The following GNAZ variants were observed in gnomAD, a reference collection of about 807,000 sequenced individuals.
The protein encoded by GNAZ is G protein subunit alpha z.
A neutral mutation model predicts 25.4 loss-of-function variants in GNAZ; 3 were observed. That is an observed-to-expected ratio of 0.12 (90% CI 0.05 to 0.30). The LOEUF (loss-of-function observed/expected upper bound fraction) is 0.30. GNAZ is among the 10% of genes least tolerant of loss of function. The pLI is 1.00. For synonymous variants in GNAZ, 211 were observed against 205.7 expected, an observed-to-expected ratio of 1.03 and a Z score of -0.22; for missense variants, 241 against 501.8, an observed-to-expected ratio of 0.48 and a Z score of 4.97.
At chr22:23,081,813 T>C (rs1431832996) in intron 1 of GNAZ, among the ~76,000 whole-genome samples, 75 of 71,762 alleles carry the variant, frequency 1.0e-3, no homozygotes, top group Middle Eastern at 0.013. Context: ...CAGAGTGAGA[T>C]TCCATCTCAA....
chr22:23,081,590 C>T (rs961162860), intron 1 of GNAZ, among the ~76,000 whole-genome samples: 9 of 150,692 alleles, frequency 6.0e-5, no homozygotes, highest in Non-Finnish European at 1.2e-4. Flanking sequence ...GGGAAGGAGA[C>T]GCAGGTGGAT....
At chr22:23,089,570 C>A (rs188430244) in intron 1 of GNAZ, among the ~76,000 whole-genome samples, 33 of 152,288 alleles carry the variant, frequency 2.2e-4, no homozygotes, top group Non-Finnish European at 7.4e-5. Flanking sequence ...CCCTCCATGA[C>A]CATGTACCCA....
At chr22:23,099,833 G>A (rs2069242659) in intron 2 of GNAZ, among the ~76,000 whole-genome samples, 1 of 152,280 alleles carries the variant, frequency 6.6e-6, no homozygotes, top group Non-Finnish European at 1.5e-5. Flanking sequence ...AGGTGGCTGT[G>A]ACCAGCAGAG....
intron 2 of GNAZ, among the ~76,000 whole-genome samples, chr22:23,110,579 G>A (rs115863112): frequency 0.015 from 2,259 of 152,346 alleles, 58 homozygotes; most frequent in African/African-American, 0.052. Context: ...CACCACCTGA[G>A]CAGATGGGCA....
intron 2 of GNAZ, among the ~76,000 whole-genome samples, chr22:23,098,121 T>G (rs2146323084): frequency 6.6e-6 from 1 of 152,382 alleles, no homozygotes; most frequent in South Asian, 2.1e-4. Flanking sequence ...CCTGCAGCCC[T>G]CTTGGCTCTT....
chr22:23,121,000 T>C (rs975699636), intron 2 of GNAZ, among the ~76,000 whole-genome samples: 1 of 152,228 alleles, frequency 6.6e-6, no homozygotes, highest in Non-Finnish European at 1.5e-5. Context: ...TCCTCTATGA[T>C]GTGGCTTCCA....
chr22:23,083,863 T>C (rs1219906320), intron 1 of GNAZ, among the ~76,000 whole-genome samples: 1 of 152,140 alleles, frequency 6.6e-6, no homozygotes, highest in Admixed American at 6.5e-5. Context: ...TCCACTGGGG[T>C]TCCAGGGATC....
intron 1 of GNAZ, among the ~76,000 whole-genome samples, chr22:23,074,843 G>A (rs2068472303): frequency 6.6e-6 from 1 of 152,124 alleles, no homozygotes; most frequent in African/African-American, 2.4e-5. Context: ...TGCAGGCACA[G>A]CTGGCCACAT....
chr22:23,090,792 A>G (rs984728213), intron 1 of GNAZ, among the ~76,000 whole-genome samples: 5 of 152,132 alleles, frequency 3.3e-5, no homozygotes, highest in African/African-American at 1.2e-4. Context: ...CCACTGTAGC[A>G]CTGGGCACCT....
intron 2 of GNAZ, among the ~76,000 whole-genome samples, chr22:23,112,291 GA>G (rs2069678608): frequency 6.6e-6 from 1 of 152,224 alleles, no homozygotes; most frequent in Non-Finnish European, 1.5e-5. Flanking sequence ...GGAAGCAGAA[GA>G]GGCATCCTTC....
chr22:23,115,999 G>A (rs1023297705), intron 2 of GNAZ, among the ~76,000 whole-genome samples: 14 of 152,220 alleles, frequency 9.2e-5, no homozygotes, highest in African/African-American at 3.1e-4. Context: ...GGAAGGTGCC[G>A]CGCATGTGCC....
At chr22:23,100,433 T>C (rs1010936133) in intron 2 of GNAZ, among the ~76,000 whole-genome samples, 16 of 152,162 alleles carry the variant, frequency 1.1e-4, no homozygotes, top group African/African-American at 3.6e-4. Flanking sequence ...CTGGTCAACA[T>C]GTTATCAGTG....
At chr22:23,109,424 C>G (rs1344514129) in intron 2 of GNAZ, among the ~76,000 whole-genome samples, 2 of 152,094 alleles carry the variant, frequency 1.3e-5, no homozygotes, top group East Asian at 3.9e-4. Context: ...TTTTGGGAGT[C>G]CTGAATCTGA....
chr22:23,089,601 T>G (rs934558845), intron 1 of GNAZ, among the ~76,000 whole-genome samples: 1 of 152,096 alleles, frequency 6.6e-6, no homozygotes, highest in African/African-American at 2.4e-5. Context: ...GGGCTATCAC[T>G]CAACATCTGT....
Position 23,123,173 on chromosome 22 carries a change from C to G in GNAZ, c.810C>G (p.Asn270Lys), listed in dbSNP as rs1222896224. The G allele has an allele frequency of 6.2e-7, 1 of 1,613,992 alleles. No individual in the cohort carries two copies. Among genetic ancestry groups the G allele is most frequent in the Non-Finnish European group, 8.5e-7 (1 of 1,179,812 alleles). Residue 270 changes from asparagine to lysine, a missense_variant, in exon 3 of 3, where the codon AAC becomes AAG. Transcript: ENST00000615612. ...FINTSLILFL[N>K]KKDLLAEKIR... ...ACACCTCACTCATCCTCTTCCTGAACAAGAAGGACCTGCTGGCAGAGAAGA... is the reference window on the plus strand; with the variant it reads ...ACACCTCACTCATCCTCTTCCTGAAGAAGAAGGACCTGCTGGCAGAGAAGA...
intron 2 of GNAZ, among the ~76,000 whole-genome samples, chr22:23,099,776 A>C (rs758928208): frequency 2.6e-5 from 4 of 152,228 alleles, no homozygotes; most frequent in Non-Finnish European, 5.9e-5. Context: ...AGGGAAAGGC[A>C]AAGTGGAGAA....
intron 2 of GNAZ, among the ~76,000 whole-genome samples, chr22:23,104,019 C>T (rs1049902364): frequency 2.0e-5 from 3 of 152,048 alleles, no homozygotes; most frequent in African/African-American, 7.3e-5. Flanking sequence ...GAGACGGGGG[C>T]CTAGACGTTG....
rs1330321159 is a variant in GNAZ at position 23,124,842 on chromosome 22, T to C, written c.*1411T>C. 6.5e-6 allele frequency: 1 copy of C among 153,596 alleles called. No individual in the cohort carries two copies. The highest frequency in any genetic ancestry group is 1.5e-5 in the Non-Finnish European group (1 of 68,796). The allele number at this position is 153,596 out of a possible 1,614,324, so 9.5% of individuals were successfully genotyped here. A position where few individuals can be genotyped will look rare whatever the true frequency, so the allele number is the denominator to read the frequency against. ...CCGTGTGTAAATACGAACTGCGCCATGGAGAGGAGAGGCACTGCCGGAGCC... is the reference window on the plus strand; with the variant it reads ...CCGTGTGTAAATACGAACTGCGCCACGGAGAGGAGAGGCACTGCCGGAGCC... On this transcript the variant is annotated 3_prime_UTR_variant, in exon 3 of 3. Transcript: ENST00000615612.
intron 1 of GNAZ, among the ~76,000 whole-genome samples, chr22:23,078,086 A>G (rs1412935694): frequency 6.6e-6 from 1 of 152,198 alleles, no homozygotes; most frequent in Non-Finnish European, 1.5e-5. Flanking sequence ...AGTGGCTACC[A>G]GGACCCCTGC....
Sources: gnomAD v4.1 joint callset for allele counts (sites outside exome capture counted in the v4.1 genomes callset) on GRCh38, gnomAD v4.1.1 for gene constraint, MANE v1.5 for transcripts, NCBI Gene and HGNC (gene_info 2026-07-23, HGNC 2026-07-21) for gene names.